The following LRGUK variants were observed in gnomAD, a reference collection of about 807,000 sequenced individuals.
LRGUK encodes the protein leucine rich repeats and guanylate kinase domain containing.
Under a neutral mutation model 76.0 loss-of-function variants are expected in LRGUK, and 65 were observed. That is an observed-to-expected ratio of 0.85 (90% CI 0.70 to 1.05). The LOEUF is 1.05. LRGUK is among the 50% of genes least tolerant of loss of function. The probability of loss-of-function intolerance (pLI) is 0.00; values close to 1 mark genes in which losing one functional copy is unlikely to be tolerated. For synonymous variants in LRGUK, 268 were observed against 265.6 expected, an observed-to-expected ratio of 1.01 and a Z score of -0.09; for missense variants, 758 against 732.8, an observed-to-expected ratio of 1.03 and a Z score of -0.40.
chr7:134,132,304 A>G (rs923786644), intron 1 of LRGUK, among the ~76,000 whole-genome samples: 1 of 152,178 alleles, frequency 6.6e-6, no homozygotes, highest in Non-Finnish European at 1.5e-5. Context: ...GCAGTGAGCT[A>G]TGATCATGCC....
chr7:134,176,491 T>A (rs1349698863), intron 8 of LRGUK, among the ~76,000 whole-genome samples: 1 of 152,134 alleles, frequency 6.6e-6, no homozygotes, highest in African/African-American at 2.4e-5. Context: ...GCCATTCTGC[T>A]GCCTCAGCCT....
chr7:134,208,902 A>G, exon 16 of LRGUK: 2 of 399,034 alleles, frequency 5.0e-6, no homozygotes, highest in Non-Finnish European at 8.8e-6. Context: ...GGAGAAACCC[A>G]TCAAAAAGAG....
In LRGUK at chr7:134,219,151, G is replaced by A. The variant is rs551555104; in HGVS notation, c.1844-2628G>A. 7.2e-5 allele frequency among the ~76,000 whole-genome samples: 11 copies of A among 152,262 alleles called. No individual in the cohort carries two copies. The East Asian group carries it at 1.7e-3, about 24-fold the overall frequency. On this transcript the variant is annotated intron_variant, in intron 15 of 19. Transcript: ENST00000285928. The stretch of plus-strand genomic sequence containing the variant: ...TTTGTCACATGGTATTATAACATTG[G>A]TAATTATGGTTTTTTCCTTAAATTG...
At chr7:134,230,379 T>G (rs188553256) in intron 16 of LRGUK, among the ~76,000 whole-genome samples, 1 of 152,300 alleles carries the variant, frequency 6.6e-6, no homozygotes, top group East Asian at 1.9e-4. Flanking sequence ...GAAACTCTTA[T>G]AAGAGAACTG....
chr7:134,143,016 G>A, intron 3 of LRGUK, 46 bp from the exon 4 acceptor site: 1 of 1,030,526 alleles, frequency 9.7e-7, no homozygotes, highest in Non-Finnish European at 1.5e-6. Flanking sequence ...CCTTTGTCTT[G>A]TTATTTTATT....
At chr7:134,157,943 T>C (rs576017618) in intron 5 of LRGUK, 92 bp from the exon 6 acceptor site, 2 of 1,067,802 alleles carry the variant, frequency 1.9e-6, no homozygotes, top group African/African-American at 3.1e-5. Flanking sequence ...TAAGCTGTGG[T>C]CTGCTTTGTC....
intron 16 of LRGUK, among the ~76,000 whole-genome samples, chr7:134,228,312 C>T (rs766994080): frequency 3.9e-5 from 6 of 151,968 alleles, no homozygotes; most frequent in Non-Finnish European, 8.8e-5. Context: ...CAGAATTTGT[C>T]ACAGGAAGCC....
chr7:134,135,908 G>T (rs1163579739), intron 1 of LRGUK, among the ~76,000 whole-genome samples: 1 of 152,148 alleles, frequency 6.6e-6, no homozygotes, highest in Non-Finnish European at 1.5e-5. Flanking sequence ...CGCCCACCTT[G>T]GCCTCCCAAA....
chr7:134,274,537 A>G, the LRGUK span, among the ~76,000 whole-genome samples: 1 of 152,122 alleles, frequency 6.6e-6, no homozygotes, highest in African/African-American at 2.4e-5. Context: ...TCTTATTTTT[A>G]TCAACTTGTT....
At chr7:134,203,934 C>T (rs1937001680) in intron 15 of LRGUK, among the ~76,000 whole-genome samples, 1 of 152,288 alleles carries the variant, frequency 6.6e-6, no homozygotes, top group Non-Finnish European at 1.5e-5. Context: ...TTAATTTGGT[C>T]CCATCGGGTG....
At chr7:134,175,780 A>G (rs1385646393) in intron 8 of LRGUK, among the ~76,000 whole-genome samples, 3 of 152,170 alleles carry the variant, frequency 2.0e-5, no homozygotes, top group Non-Finnish European at 4.4e-5. Flanking sequence ...TCAAAGAGGC[A>G]TGGCTTCTTA....
intron 15 of LRGUK, among the ~76,000 whole-genome samples, chr7:134,207,541 C>A (rs1345009415): frequency 6.6e-6 from 1 of 152,206 alleles, no homozygotes; most frequent in African/African-American, 2.4e-5. Context: ...CCTGTCCCGC[C>A]CTCTCCCTAG....
At chr7:134,182,514 A>G (rs1008238413) in intron 10 of LRGUK, among the ~76,000 whole-genome samples, 7 of 151,968 alleles carry the variant, frequency 4.6e-5, no homozygotes, top group Admixed American at 1.3e-4. Context: ...ATGTACTTAT[A>G]TGTGTTTCCC....
Position 134,201,583 on chromosome 7 carries a change from T to G in LRGUK, c.1843+7T>G. The G allele has an allele frequency of 4.4e-6, 7 of 1,592,646 alleles. No individual in the cohort carries two copies. Among genetic ancestry groups the G allele is most frequent in the Non-Finnish European group, 6.0e-6 (7 of 1,170,556 alleles). The stretch of plus-strand genomic sequence containing the variant: ...AGTTTGGCTACAACTGCAGGTACTA[T>G]TCTATCATTTTTGTGCCAGGATTTT... On this transcript the variant is annotated splice_region_variant and intron_variant, in intron 15 of 15. Coordinates refer to ENST00000645682, the Ensembl canonical transcript of LRGUK.
intron 16 of LRGUK, among the ~76,000 whole-genome samples, chr7:134,233,883 C>A (rs966121061): frequency 5.3e-5 from 8 of 152,336 alleles, no homozygotes; most frequent in Non-Finnish European, 1.0e-4. Context: ...GCTTGTCCAA[C>A]CCACAGCCTG....
rs1384222009 is a variant in LRGUK, at chr7:134,158,177, C to G, written c.795+18C>G. The G allele has an allele frequency of 6.2e-7, 1 of 1,604,658 alleles. No individual in the cohort carries two copies. Among genetic ancestry groups the G allele is most frequent in the African/African-American group, 1.3e-5 (1 of 74,774 alleles). On this transcript the variant is annotated intron_variant, in intron 6 of 15. Coordinates refer to ENST00000645682, the Ensembl canonical transcript of LRGUK. ...TTTGTCTGGTGAGTCTAACAAAATG[C>G]TGTTCTTTATAGAAGTAGTAGTTAA...
At chr7:134,166,960 T>C (rs1585477729) in intron 7 of LRGUK, among the ~76,000 whole-genome samples, 1 of 152,204 alleles carries the variant, frequency 6.6e-6, no homozygotes, top group African/African-American at 2.4e-5. Flanking sequence ...TTAATTTCTC[T>C]CTGGATTTAA....
Position 134,196,316 on chromosome 7 carries a change from T to TC in LRGUK, c.1432-673dup, listed in dbSNP as rs1488663071. Among the ~76,000 whole-genome samples the TC allele has an allele frequency of 2.0e-5, 3 of 152,008 alleles. 1 individual carries two copies. In the East Asian group the frequency reaches 5.8e-4, roughly 29 times the overall value. Reference sequence around the variant, plus strand: ...CTTGCCCCACCCCTCCTTTTTTTTTTCCCAAGGGAATACCGTTTTTGGAAG... The same window carrying TC: ...CTTGCCCCACCCCTCCTTTTTTTTTTCCCCAAGGGAATACCGTTTTTGGAAG... On this transcript the variant is annotated intron_variant, in intron 12 of 15. Coordinates refer to ENST00000645682, the Ensembl canonical transcript of LRGUK.
At chr7:134,254,407 A>G (rs1415501801) in intron 18 of LRGUK, among the ~76,000 whole-genome samples, 1 of 152,182 alleles carries the variant, frequency 6.6e-6, no homozygotes, top group Non-Finnish European at 1.5e-5. Context: ...CTGATAGACA[A>G]CACACATTTA....
Sources: gnomAD v4.1 joint callset for allele counts (sites outside exome capture counted in the v4.1 genomes callset) on GRCh38, gnomAD v4.1.1 for gene constraint, MANE v1.5 for transcripts, NCBI Gene and HGNC (gene_info 2026-07-23, HGNC 2026-07-21) for gene names.